MUC13: variants seen among roughly 807,000 people sequenced by gnomAD.
MUC13 encodes mucin 13, cell surface associated, also known as mucin-13.
MUC13 carries 32 observed loss-of-function variants against 48.3 expected under a neutral mutation model. The observed-to-expected ratio is 0.66, with a 90% confidence interval of 0.50 to 0.89. The LOEUF (loss-of-function observed/expected upper bound fraction) is 0.89, where lower values mean the gene tolerates loss of function less well. Among genes scored for constraint, MUC13 ranks in the 40% least tolerant of loss-of-function variants. MUC13 has a pLI of 0.00. For missense variants in MUC13, 571 were observed against 622.8 expected (o/e 0.92, Z 0.88); for synonymous variants, 199 against 224.9 (o/e 0.88, Z 1.03).
Position 124,920,229 on chromosome 3 carries a change from C to T in MUC13, c.800+5G>A. The T allele has an allele frequency of 6.2e-7, 1 of 1,603,360 alleles. No individual in the cohort carries two copies. Among genetic ancestry groups the T allele is most frequent in the Non-Finnish European group, 8.5e-7 (1 of 1,173,458 alleles). Reference sequence around the variant, plus strand: ...TGCCTCCAAAATTGTCCATAACAAACTTACCTTACAGTAAGAATTACAGTC... The same window carrying T: ...TGCCTCCAAAATTGTCCATAACAAATTTACCTTACAGTAAGAATTACAGTC... On this transcript the variant is annotated splice_donor_5th_base_variant and intron_variant, in intron 5 of 11. Coordinates refer to ENST00000616727, the MANE Select transcript of MUC13 (RefSeq NM_033049.4).
In MUC13 at chr3:124,905,617, T is replaced by A. The variant is rs1935302845; in HGVS notation, c.*1126A>T. 6.5e-6 allele frequency: 1 copy of A among 152,968 alleles called. No individual in the cohort carries two copies. The highest frequency in any genetic ancestry group is 1.5e-5 in the Non-Finnish European group (1 of 67,954). 9.5% of individuals were successfully genotyped at this position (152,968 alleles called of 1,614,324 possible). A position where few individuals can be genotyped will look rare whatever the true frequency, so the allele number is the denominator to read the frequency against. ...TGGTTGCCCCCATTTGTGTGTGTGG[T>A]TGTGTGTGTGTGGTTGTGTGTTGGT... On this transcript the variant is annotated 3_prime_UTR_variant, in exon 12 of 12. Transcript: ENST00000616727.
rs1302293461 is a variant in MUC13 at position 124,908,267 on chromosome 3, G to A, written c.1419C>T (p.Gly473=). Residue 473 remains glycine (G), a synonymous_variant, in exon 11 of 12, where the codon GGC becomes GGT. Coordinates refer to ENST00000616727, the MANE Select transcript of MUC13 (RefSeq NM_033049.4). ...DFQNLKLRST[G]FTNLGAEGSV... ...TCCCTTCTGCTCCAAGATTGGTGAA[G>A]CCTGTCGACCGCAGTTTTAGATTTT... The A allele has an allele frequency of 3.1e-6, 5 of 1,614,184 alleles. No individual in the cohort carries two copies. The highest frequency in any genetic ancestry group is 4.2e-6 in the Non-Finnish European group (5 of 1,180,034).
chr3:124,916,524 A>G (rs1278457120), intron 5 of MUC13, 44 bp from the exon 6 acceptor site: 1 of 1,553,352 alleles, frequency 6.4e-7, no homozygotes, highest in African/African-American at 1.4e-5. Flanking sequence ...TGAACTGAAG[A>G]ATCAACAAAT....
At chr3:124,931,540 G>A (rs865779484) in intron 1 of MUC13, among the ~76,000 whole-genome samples, 38 of 151,504 alleles carry the variant, frequency 2.5e-4, no homozygotes, top group African/African-American at 7.3e-4. Flanking sequence ...CTGAGGTCAG[G>A]AGTTTGGGAT....
At position 124,924,946 on chromosome 3, in the gene MUC13, C is replaced by T. The variant is rs532027206; in HGVS notation, c.515-1297G>A. ...GGTTTCTTACAAAAATAAACATACT[C>T]TTACGAGAAGATCTGAGAGTCACCC... On this transcript the variant is annotated intron_variant, in intron 2 of 11. Coordinates refer to ENST00000616727, the MANE Select transcript of MUC13 (RefSeq NM_033049.4). Among the ~76,000 whole-genome samples the T allele has an allele frequency of 4.6e-5, 7 of 152,300 alleles. 1 individual carries two copies. The South Asian group carries it at 1.5e-3, about 32-fold the overall frequency.
intron 2 of MUC13, among the ~76,000 whole-genome samples, chr3:124,926,654 CA>C (rs1935692777): frequency 6.6e-6 from 1 of 152,188 alleles, no homozygotes; most frequent in African/African-American, 2.4e-5. Flanking sequence ...CCAGATTTCC[CA>C]TCTGAGAATG....
intron 10 of MUC13, among the ~76,000 whole-genome samples, 160 bp from the exon 11 acceptor site, chr3:124,908,508 C>T (rs549631026): frequency 1.3e-5 from 2 of 152,266 alleles, no homozygotes; most frequent in East Asian, 3.9e-4. Flanking sequence ...ACACTTATCA[C>T]CCAGATTCCC....
intron 2 of MUC13, 80 bp downstream of exon 2, chr3:124,927,452 C>A: frequency 7.2e-7 from 1 of 1,380,460 alleles, no homozygotes. Context: ...ATTTTCCTAC[C>A]CCACCAGAAC....
chr3:124,930,494 G>A (rs62267106), intron 1 of MUC13, among the ~76,000 whole-genome samples: 405 of 152,260 alleles, frequency 2.7e-3, no homozygotes, highest in Non-Finnish European at 4.7e-3. Flanking sequence ...AAGAGGAACT[G>A]TAAAATAACC....
At position 124,922,290 on chromosome 3, in the gene MUC13, A is replaced by G. The variant is rs998184927; in HGVS notation, c.651T>C (p.Pro217=). The G allele has an allele frequency of 6.2e-7, 1 of 1,613,816 alleles. No individual in the cohort carries two copies. Among genetic ancestry groups the G allele is most frequent in the Non-Finnish European group, 8.5e-7 (1 of 1,179,898 alleles). Residue 217 remains proline, a synonymous_variant, in exon 4 of 12, where the codon CCT becomes CCC. Transcript: ENST00000616727. ...CTGATACTGTCACTGAAATCTTCCC[A>G]GGGAATACCTTTCCTGAAAGTTAAG... The part of the protein sequence containing the change: ...SSTCKKGKVF[P]GKISVTVSET...
In MUC13 at chr3:124,905,792, AC is replaced by A. The variant is rs1183161415; in HGVS notation, c.*950del. On this transcript the variant is annotated 3_prime_UTR_variant, in exon 12 of 12. Coordinates refer to ENST00000616727, the MANE Select transcript of MUC13 (RefSeq NM_033049.4). ...ACAGTTTGTCTCCAATTTCAAACTGACCTAAGGCTCTTACTCCTGGATTTTT... is the reference window on the plus strand; with the variant it reads ...ACAGTTTGTCTCCAATTTCAAACTGACTAAGGCTCTTACTCCTGGATTTTT... The A allele has an allele frequency of 6.6e-6, 1 of 152,522 alleles. No homozygotes were observed. 9.4% of individuals were successfully genotyped at this position (152,522 alleles called of 1,614,324 possible).
intron 11 of MUC13, among the ~76,000 whole-genome samples, chr3:124,907,219 C>T (rs1370630584): frequency 1.3e-5 from 2 of 152,158 alleles, no homozygotes; most frequent in Non-Finnish European, 2.9e-5. Flanking sequence ...TTTGCCCAGG[C>T]TGGTCTCGAA....
At chr3:124,919,418 G>A (rs533778051) in intron 5 of MUC13, among the ~76,000 whole-genome samples, 42 of 143,808 alleles carry the variant, frequency 2.9e-4, no homozygotes, top group Non-Finnish European at 5.2e-4. Flanking sequence ...TTGAACTCCT[G>A]GCCTCAAGTG....
chr3:124,924,856 A>G (rs537064280), intron 2 of MUC13, among the ~76,000 whole-genome samples: 9 of 152,224 alleles, frequency 5.9e-5, no homozygotes, highest in Non-Finnish European at 1.2e-4. Flanking sequence ...ATATGGGGCA[A>G]TGGGAACTCT....
chr3:124,913,510 A>G, intron 7 of MUC13, 52 bp downstream of exon 7: 1 of 1,610,786 alleles, frequency 6.2e-7, no homozygotes, highest in Non-Finnish European at 8.5e-7. Context: ...ATGTTGCAAA[A>G]GAAGAGAAAG....
chr3:124,927,840 G>A lies in MUC13; in HGVS notation c.206C>T (p.Pro69Leu). The change falls in exon 2 of 12, where the codon CCT becomes CTT. Residue 69 changes from proline (P) to leucine (L), a missense_variant. Transcript: ENST00000616727. ...ATGTGTACTAATTATGGGGGGAGCA[G>A]GTGAAGTAGCTGTTGGGAAAGAAGG... ...NTPSFPTATS[P>L]APPIISTHSS... The A allele has an allele frequency of 6.2e-7, 1 of 1,614,090 alleles. No individual in the cohort carries two copies. The highest frequency in any genetic ancestry group is 8.5e-7 in the Non-Finnish European group (1 of 1,180,016).
At chr3:124,912,216 C>T in intron 8 of MUC13, 75 bp from the exon 9 acceptor site, 1 of 1,575,450 alleles carries the variant, frequency 6.3e-7, no homozygotes, top group Non-Finnish European at 8.6e-7. Context: ...CCACCCCAAT[C>T]TCCACCTCTT....
At chr3:124,924,719 G>T (rs984609070) in intron 2 of MUC13, among the ~76,000 whole-genome samples, 2 of 152,106 alleles carry the variant, frequency 1.3e-5, no homozygotes, top group African/African-American at 2.4e-5. Flanking sequence ...GGTCCTGGGG[G>T]TTTAGGATGA....
chr3:124,912,426 C>A (rs1045441261), intron 8 of MUC13, among the ~76,000 whole-genome samples: 12 of 152,192 alleles, frequency 7.9e-5, no homozygotes, highest in African/African-American at 2.9e-4. Flanking sequence ...GCAGTTCAGG[C>A]AAAGCTGAAC....
Sources: gnomAD v4.1 joint callset for allele counts (sites outside exome capture counted in the v4.1 genomes callset) on GRCh38, gnomAD v4.1.1 for gene constraint, MANE v1.5 for transcripts, NCBI Gene and HGNC (gene_info 2026-07-23, HGNC 2026-07-21) for gene names.